NPRL3: variants seen among roughly 807,000 people sequenced by gnomAD.
NPRL3 encodes GATOR1 complex protein NPRL3.
A neutral mutation model predicts 57.2 loss-of-function variants in NPRL3; 23 were observed. The ratio of observed to expected loss-of-function variants is 0.40; its 90% CI spans 0.29 to 0.57. The LOEUF (loss-of-function observed/expected upper bound fraction) is 0.57. NPRL3 is among the 20% of genes least tolerant of loss of function. NPRL3 has a pLI of 0.42. For synonymous variants in NPRL3, 333 were observed against 321.1 expected (o/e 1.04, Z -0.39); for missense variants, 691 against 767.1 (o/e 0.90, Z 1.17).
intron 7 of NPRL3, among the ~76,000 whole-genome samples, chr16:105,633 TG>T (rs1248460825): frequency 6.6e-6 from 1 of 152,208 alleles, no homozygotes; most frequent in Non-Finnish European, 1.5e-5. Flanking sequence ...CCACAGGTCC[TG>T]TTAACTCGGA....
chr16:130,365 T>C (rs2141980921), intron 3 of NPRL3, among the ~76,000 whole-genome samples, 157 bp downstream of exon 3: 1 of 152,012 alleles, frequency 6.6e-6, no homozygotes, highest in Admixed American at 6.6e-5. Context: ...GTCTACGCAG[T>C]CCTCCACTCT....
At chr16:119,827 T>C (rs1900209756) in intron 3 of NPRL3, among the ~76,000 whole-genome samples, 1 of 152,200 alleles carries the variant, frequency 6.6e-6, no homozygotes, top group Non-Finnish European at 1.5e-5. Context: ...TTTCCGGTTT[T>C]TATCAGGGAA....
chr16:88,759 G>C lies in NPRL3; in HGVS notation c.1483C>G (p.Arg495Gly). ...NLLASLSEHERAAILSVPAAQ... is the reference protein window; with the variant it reads ...NLLASLSEHEGAAILSVPAAQ... The stretch of plus-strand genomic sequence containing the variant: ...GCGGGTACACTGAGGATGGCTGCGC[G>C]TTCATGCTCCGACAGGCTGGCCAGC... Residue 495 changes from arginine (R) to glycine (G), a missense_variant, in exon 13 of 14, where the codon CGC (arginine) becomes GGC (glycine). Transcript: ENST00000611875. 6.2e-7 allele frequency: 1 copy of C among 1,613,706 alleles called. No homozygotes were observed. Among genetic ancestry groups the C allele is most frequent in the Non-Finnish European group, 8.5e-7 (1 of 1,179,770 alleles).
rs187827750 is a variant in NPRL3, at chr16:95,654, C to G, written c.925-2329G>C. The stretch of plus-strand genomic sequence containing the variant: ...GTAAAATCACAATTCACTGCAGCCT[C>G]GAACACCAGGGCTCAAGTGATCCTC... On this transcript the variant is annotated intron_variant, in intron 9 of 13. Coordinates refer to ENST00000611875, the MANE Select transcript of NPRL3 (RefSeq NM_001077350.3). 3.3e-5 allele frequency among the ~76,000 whole-genome samples: 5 copies of G among 152,266 alleles called. No homozygotes were observed. In the South Asian group the frequency reaches 1.0e-3, roughly 32 times the overall value.
intron 3 of NPRL3, 105 bp from the exon 4 acceptor site, chr16:119,360 G>A: frequency 8.6e-7 from 1 of 1,156,472 alleles, no homozygotes; most frequent in African/African-American, 1.5e-5. Context: ...GCACCTTCAT[G>A]GAGTTGCTCT....
At chr16:111,581 C>G (rs1311216976) in intron 6 of NPRL3, among the ~76,000 whole-genome samples, 1 of 151,900 alleles carries the variant, frequency 6.6e-6, no homozygotes, top group Non-Finnish European at 1.5e-5. Flanking sequence ...TCCCGAGTAG[C>G]TGGAACTACG....
At chr16:100,000 A>C in intron 8 of NPRL3, among the ~76,000 whole-genome samples, 1 of 149,992 alleles carries the variant, frequency 6.7e-6, no homozygotes, top group Non-Finnish European at 1.5e-5. Context: ...AAAAAGAAAA[A>C]GAAAATAACT....
At chr16:101,519 T>C (rs939860606) in intron 7 of NPRL3, among the ~76,000 whole-genome samples, 32 of 152,190 alleles carry the variant, frequency 2.1e-4, no homozygotes, top group African/African-American at 7.7e-4. Context: ...AGGCCAAACA[T>C]AGCAACACCA....
intron 12 of NPRL3, 108 bp from the exon 13 acceptor site, chr16:88,998 A>G (rs1319141085): frequency 4.1e-6 from 4 of 965,356 alleles, no homozygotes; most frequent in Non-Finnish European, 6.3e-6. Flanking sequence ...AACTCCTACA[A>G]GGGTTAGGGT....
chr16:85,655 G>A lies in NPRL3; in HGVS notation c.*1050C>T, dbSNP rs1423227985. On this transcript the variant is annotated 3_prime_UTR_variant, in exon 14 of 14. Transcript: ENST00000611875. ...GCCCAGTGAGCCGGCTGTAGTGGCAGCAGCCCGGGTGGGCGTCGGCCATGC... is the reference window on the plus strand; with the variant it reads ...GCCCAGTGAGCCGGCTGTAGTGGCAACAGCCCGGGTGGGCGTCGGCCATGC... 6.3e-7 allele frequency: 1 copy of A among 1,588,242 alleles called. No homozygotes were observed. Among genetic ancestry groups the A allele is most frequent in the African/African-American group, 1.3e-5 (1 of 74,452 alleles).
chr16:123,548 G>T (rs1299835280), intron 3 of NPRL3: 1 of 471,052 alleles, frequency 2.1e-6, no homozygotes, highest in Admixed American at 2.3e-5. Flanking sequence ...ATGGCTCGCT[G>T]AAATGGGAAC....
In NPRL3 at chr16:107,608, AAAAAG is replaced by A. The variant is rs1377307151; in HGVS notation, c.629+2912_629+2916del. 5.3e-3 allele frequency among the ~76,000 whole-genome samples: 808 copies of A among 151,994 alleles called. 8 individuals carry two copies. Among genetic ancestry groups the A allele is most frequent in the African/African-American group, 0.018 (760 of 41,394 alleles). On this transcript the variant is annotated intron_variant, in intron 7 of 13. Coordinates refer to ENST00000611875, the MANE Select transcript of NPRL3 (RefSeq NM_001077350.3). Reference sequence around the variant, plus strand: ...ATATTCCATCTCAAAAAAAAAAAAAAAAAAGAAGAAGAAAAAGAAATATAAAGTCA... The same window carrying A: ...ATATTCCATCTCAAAAAAAAAAAAAAAAGAAGAAAAAGAAATATAAAGTCA...
In NPRL3 at chr16:100,655, G is replaced by A. The variant is rs1010546723; in HGVS notation, c.630-146C>T. 38 of 764,066 alleles carry A rather than the reference G, an allele frequency of 5.0e-5. No homozygotes were observed. The African/African-American group carries it at 6.2e-4, about 12-fold the overall frequency. 47.3% of individuals were successfully genotyped at this position (764,066 alleles called of 1,614,324 possible). A position where few individuals can be genotyped will look rare whatever the true frequency, so the allele number is the denominator to read the frequency against. On this transcript the variant is annotated intron_variant, in intron 7 of 13. Transcript: ENST00000611875. ...ACCCGGGCAGGAGAGCATCTCTTAA[G>A]ATCACATTATGTTTAAGAAAAGAAA...
chr16:89,545 G>C (rs1898664756), intron 12 of NPRL3, 168 bp downstream of exon 12: 1 of 601,474 alleles, frequency 1.7e-6, no homozygotes, highest in Non-Finnish European at 2.7e-6. Flanking sequence ...TCACGGTGGT[G>C]CTAGGAGACA....
rs111563736 is a variant in NPRL3 at position 131,217 on chromosome 16, C to T, written c.119-626G>A. Among the ~76,000 whole-genome samples, 364 of 152,230 alleles carry T rather than the reference C, an allele frequency of 2.4e-3. 3 individuals carry two copies. The highest frequency in any genetic ancestry group is 8.2e-3 in the African/African-American group (342 of 41,536). On this transcript the variant is annotated intron_variant, in intron 2 of 13. Transcript: ENST00000611875. ...GGGCATGGCTGAGCGCGGTGGTTCA[C>T]GCCTGTAATCCCAGCACTTTGGGAG... is the stretch of plus-strand genomic sequence containing the variant.
intron 12 of NPRL3, chr16:89,221 G>A (rs943486813): frequency 2.9e-6 from 1 of 347,248 alleles, no homozygotes; most frequent in African/African-American, 2.0e-5. Context: ...GGCAGGTGGG[G>A]TCCTCACATG....
At chr16:130,690 G>T in intron 2 of NPRL3, 99 bp from the exon 3 acceptor site, 1 of 1,116,196 alleles carries the variant, frequency 9.0e-7, no homozygotes, top group Non-Finnish European at 1.3e-6. Context: ...TCCAAAACAT[G>T]CTCTGTCCAT....
chr16:99,952 A>ACC (rs1365646232), intron 8 of NPRL3, among the ~76,000 whole-genome samples: 8 of 93,126 alleles, frequency 8.6e-5, no homozygotes, highest in East Asian at 2.7e-4. Flanking sequence ...ACACACACAC[A>ACC]CCCCCGCAAA....
chr16:88,797 A>G lies in NPRL3; in HGVS notation c.1445T>C (p.Met482Thr). The G allele has an allele frequency of 6.2e-7, 1 of 1,613,718 alleles. No homozygotes were observed. The highest frequency in any genetic ancestry group is 8.5e-7 in the Non-Finnish European group (1 of 1,179,830). The change falls in exon 13 of 14, where the codon ATG becomes ACG. Residue 482 changes from methionine to threonine, a missense_variant. Coordinates refer to ENST00000611875, the MANE Select transcript of NPRL3 (RefSeq NM_001077350.3). ...PSGDSPLNQR[M>T]TENLLASLSE... Reference sequence around the variant, plus strand: ...CAGGCTGGCCAGCAGGTTCTCCGTCATCCTCTGGTTCAGTGGCGAGTCCCC... The same window carrying G: ...CAGGCTGGCCAGCAGGTTCTCCGTCGTCCTCTGGTTCAGTGGCGAGTCCCC...
Sources: allele counts gnomAD v4.1 joint callset (sites outside exome capture counted in the v4.1 genomes callset), GRCh38; gene constraint gnomAD v4.1.1; transcripts MANE v1.5; gene names NCBI Gene and HGNC (gene_info 2026-07-23, HGNC 2026-07-21).